USH2A: variants seen among roughly 807,000 people sequenced by gnomAD.
The protein encoded by USH2A is usherin.
USH2A carries 443 observed loss-of-function variants against 538.9 expected under a neutral mutation model. The observed-to-expected ratio is 0.82, with a 90% CI of 0.76 to 0.89. The LOEUF is 0.89. USH2A is among the 40% of genes least tolerant of loss of function. USH2A has a pLI of 0.00. For synonymous variants in USH2A, 2,413 were observed against 2,273.5 expected (o/e 1.06, Z -1.75); for missense variants, 6,633 against 6,324.8 (o/e 1.05, Z -1.65).
chr1:216,046,427 T>C lies in USH2A; in HGVS notation c.6325+4A>G. On this transcript the variant is annotated splice_donor_region_variant and intron_variant, in intron 32 of 71. Transcript: ENST00000307340. ...CAATTCGCTGATAACTCTAGAGGTC[T>C]TACCTGTGACTATGTAGTTCTCCTC... The C allele has an allele frequency of 3.7e-6, 6 of 1,613,520 alleles. No homozygotes were observed. The Middle Eastern group carries it at 5.0e-4, about 133-fold the overall frequency.
At chr1:215,734,201 G>A in intron 60 of USH2A, among the ~76,000 whole-genome samples, 1 of 152,302 alleles carries the variant, frequency 6.6e-6, no homozygotes, top group Middle Eastern at 3.4e-3. Flanking sequence ...TAGCTACCAA[G>A]GGTTTGGTGT....
At chr1:215,945,884 T>C (rs940901939) in intron 37 of USH2A, among the ~76,000 whole-genome samples, 1 of 149,476 alleles carries the variant, frequency 6.7e-6, no homozygotes, top group Non-Finnish European at 1.5e-5. Context: ...AATAAAAATG[T>C]GGAATAAAAC....
Position 216,070,100 on chromosome 1 carries a change from C to T in USH2A, c.6049+1G>A, listed in dbSNP as rs768323544. The stretch of plus-strand genomic sequence containing the variant: ...CTACTCTGTTAAAGGATTGCATTTA[C>T]CTGTGAGGTTGCTTGTATTGACAAA... On this transcript the variant is annotated splice_donor_variant, in intron 30 of 71. Transcript: ENST00000307340. LOFTEE classifies it high-confidence loss of function. The T allele has an allele frequency of 1.2e-6, 2 of 1,613,836 alleles. No homozygotes were observed. The highest frequency in any genetic ancestry group is 1.7e-6 in the Non-Finnish European group (2 of 1,179,842).
intron 30 of USH2A, among the ~76,000 whole-genome samples, chr1:216,050,575 T>TTC (rs2030727669): frequency 2.0e-5 from 1 of 49,678 alleles, no homozygotes; most frequent in African/African-American, 7.4e-5. Context: ...TTTCTTTCTT[T>TTC]CTTTCTTTCT....
At chr1:215,799,200 C>T in intron 49 of USH2A, 75 bp from the exon 50 acceptor site, 4 of 1,440,198 alleles carry the variant, frequency 2.8e-6, no homozygotes, top group Non-Finnish European at 3.8e-6. Flanking sequence ...ACTTTTATCA[C>T]AATCATCTTG....
intron 41 of USH2A, among the ~76,000 whole-genome samples, chr1:215,887,039 A>T (rs892298117): frequency 7.2e-5 from 11 of 152,142 alleles, no homozygotes; most frequent in Non-Finnish European, 1.5e-4. Flanking sequence ...TTGTATTTTT[A>T]GTAGAGACGG....
intron 37 of USH2A, among the ~76,000 whole-genome samples, chr1:215,945,611 T>C (rs1666739995): frequency 1.3e-5 from 2 of 152,198 alleles, no homozygotes; most frequent in Non-Finnish European, 2.9e-5. Context: ...TATAGCTACA[T>C]ATTTTAAGTC....
chr1:216,289,472 A>G lies in USH2A; in HGVS notation c.1841-62T>C. The G allele has an allele frequency of 1.9e-6, 3 of 1,607,552 alleles. No individual in the cohort carries two copies. In the South Asian group the frequency reaches 3.3e-5, roughly 18 times the overall value. Reference sequence around the variant, plus strand: ...TTCATTAAAATCAGCTGCATAATTCAAAATTAAAGACTGTATTCCTTTGAG... The same window carrying G: ...TTCATTAAAATCAGCTGCATAATTCGAAATTAAAGACTGTATTCCTTTGAG... On this transcript the variant is annotated intron_variant, in intron 10 of 71. Transcript: ENST00000307340.
chr1:215,838,174 C>A, intron 46 of USH2A, 71 bp from the exon 47 acceptor site: 7 of 1,177,296 alleles, frequency 5.9e-6, no homozygotes, highest in Non-Finnish European at 8.9e-6. Context: ...GTCTGAATCC[C>A]ACCTTCCCTC....
chr1:215,846,519 T>C (rs1663851147), intron 44 of USH2A, among the ~76,000 whole-genome samples: 1 of 152,204 alleles, frequency 6.6e-6, no homozygotes, highest in African/African-American at 2.4e-5. Context: ...TGGTCAGTTT[T>C]TATTTTTTAA....
intron 29 of USH2A, 98 bp from the exon 30 acceptor site, chr1:216,070,390 A>C (rs914356804): frequency 1.7e-5 from 18 of 1,090,726 alleles, no homozygotes; most frequent in Middle Eastern, 2.7e-4. Context: ...ATCAGACTCA[A>C]CCATTAGCAT....
At chr1:216,213,627 T>C (rs1369705838) in intron 15 of USH2A, among the ~76,000 whole-genome samples, 1 of 151,834 alleles carries the variant, frequency 6.6e-6, no homozygotes, top group Non-Finnish European at 1.5e-5. Flanking sequence ...TGTTTAAGTA[T>C]AAAACTGTAA....
intron 35 of USH2A, among the ~76,000 whole-genome samples, chr1:215,991,674 C>G (rs142166396): frequency 1.3e-5 from 2 of 152,098 alleles, no homozygotes; most frequent in African/African-American, 4.8e-5. Context: ...ACAAAACATA[C>G]GCAAATACAC....
At chr1:216,285,558 C>G (rs1381452263) in intron 11 of USH2A, among the ~76,000 whole-genome samples, 1 of 152,368 alleles carries the variant, frequency 6.6e-6, no homozygotes, top group East Asian at 1.9e-4. Context: ...ACCCCCCACA[C>G]AGAGTCCCCA....
intron 21 of USH2A, among the ~76,000 whole-genome samples, chr1:216,128,622 A>C (rs1045071199): frequency 6.6e-6 from 1 of 151,982 alleles, no homozygotes; most frequent in Non-Finnish European, 1.5e-5. Flanking sequence ...TTTCATGGTT[A>C]CTTAATAGTT....
intron 60 of USH2A, among the ~76,000 whole-genome samples, chr1:215,738,340 C>T (rs1248413112): frequency 1.3e-5 from 2 of 152,098 alleles, no homozygotes; most frequent in Admixed American, 1.3e-4. Flanking sequence ...GGTCTCTATT[C>T]TTTACAAAAC....
intron 9 of USH2A, among the ~76,000 whole-genome samples, chr1:216,307,273 AG>A (rs1300825522): frequency 1.3e-5 from 2 of 151,964 alleles, no homozygotes; most frequent in African/African-American, 4.8e-5. Flanking sequence ...TGTGGTTCTC[AG>A]GGCGATGGAG....
At chr1:216,174,524 T>C in intron 21 of USH2A, 1 of 985,256 alleles carries the variant, frequency 1.0e-6, no homozygotes. Context: ...TTTAAGCTTT[T>C]GATAATATTT....
intron 11 of USH2A, among the ~76,000 whole-genome samples, chr1:216,272,281 CTG>C (rs2036588633): frequency 6.6e-6 from 1 of 152,068 alleles, no homozygotes; most frequent in East Asian, 1.9e-4. Flanking sequence ...GTTCATAAAA[CTG>C]TAATTTTTTA....
Sources: gnomAD v4.1 joint callset for allele counts (sites outside exome capture counted in the v4.1 genomes callset) on GRCh38, gnomAD v4.1.1 for gene constraint, MANE v1.5 for transcripts, NCBI Gene and HGNC (gene_info 2026-07-23, HGNC 2026-07-21) for gene names.